MED13: variants seen among roughly 807,000 people sequenced by gnomAD.
MED13 encodes the protein mediator of RNA polymerase II transcription subunit 13.
Under a neutral mutation model 225.2 loss-of-function variants are expected in MED13, and 23 were observed. That is an observed-to-expected ratio of 0.10 (90% CI 0.07 to 0.14). The LOEUF (loss-of-function observed/expected upper bound fraction) is 0.14. Among genes scored for constraint, MED13 ranks in the 10% least tolerant of loss-of-function variants. MED13 has a pLI of 1.00. For missense variants in MED13, 2,197 were observed against 2,594.5 expected, an observed-to-expected ratio of 0.85 and a Z score of 3.33; for synonymous variants, 942 against 889.2, an observed-to-expected ratio of 1.06 and a Z score of -1.06.
rs573694189 is a variant in MED13, at chr17:62,011,297, G to A, written c.1284-64C>T. On this transcript the variant is annotated intron_variant, in intron 8 of 29. Coordinates refer to ENST00000397786, the MANE Select transcript of MED13 (RefSeq NM_005121.3). ...ACTATTATGGCGAAGTATAATACCA[G>A]TTAATAGTATTAGACACTTCGGTTA... 74 of 1,364,566 alleles carry A rather than the reference G, an allele frequency of 5.4e-5. No individual in the cohort carries two copies. In the African/African-American group the frequency reaches 1.0e-3, roughly 19 times the overall value. 84.5% of individuals were successfully genotyped at this position (1,364,566 alleles called of 1,614,324 possible).
chr17:62,062,594 CACACACCA>C (rs1016605916), intron 2 of MED13, among the ~76,000 whole-genome samples: 3 of 57,570 alleles, frequency 5.2e-5, no homozygotes, highest in African/African-American at 1.3e-4. Context: ...CACACACACA[CACACACCA>C]CACACACACA....
chr17:61,998,363 T>C (rs751316884), intron 9 of MED13, among the ~76,000 whole-genome samples: 3 of 152,200 alleles, frequency 2.0e-5, no homozygotes, highest in Non-Finnish European at 4.4e-5. Context: ...CATTATATTA[T>C]TCATTAATTG....
At chr17:62,014,339 C>G (rs1344638910) in intron 8 of MED13, among the ~76,000 whole-genome samples, 3 of 134,362 alleles carry the variant, frequency 2.2e-5, no homozygotes, top group African/African-American at 3.9e-5. Flanking sequence ...TATTTTGAGA[C>G]ACAGTTTCAC....
At chr17:62,064,005 A>G (rs1306963345) in intron 1 of MED13, among the ~76,000 whole-genome samples, 1 of 152,234 alleles carries the variant, frequency 6.6e-6, no homozygotes, top group African/African-American at 2.4e-5. Flanking sequence ...ATCTCAATTT[A>G]GCATGGGCGT....
chr17:61,985,134 T>C, intron 12 of MED13, 44 bp from the exon 13 acceptor site: 1 of 1,479,156 alleles, frequency 6.8e-7, no homozygotes, highest in Non-Finnish European at 9.4e-7. Flanking sequence ...TTACATCCAA[T>C]GTGATCTCAA....
intron 3 of MED13, among the ~76,000 whole-genome samples, chr17:62,044,390 A>G (rs1458313179): frequency 1.3e-5 from 2 of 152,216 alleles, no homozygotes; most frequent in Non-Finnish European, 2.9e-5. Flanking sequence ...AATGGCCATT[A>G]ACAACAGCCA....
intron 26 of MED13, among the ~76,000 whole-genome samples, chr17:61,953,927 T>C (rs1433300293): frequency 6.6e-6 from 1 of 152,198 alleles, no homozygotes; most frequent in Non-Finnish European, 1.5e-5. Flanking sequence ...TACTGGTTTT[T>C]CCTTTACGTA....
At chr17:61,958,537 G>C (rs2079969570) in intron 23 of MED13, among the ~76,000 whole-genome samples, 1 of 151,274 alleles carries the variant, frequency 6.6e-6, no homozygotes, top group Admixed American at 6.6e-5. Flanking sequence ...CAGGGTTTCA[G>C]CATGTTGGCC....
chr17:61,966,313 A>G, intron 19 of MED13, 149 bp downstream of exon 19: 1 of 634,534 alleles, frequency 1.6e-6, no homozygotes, highest in Non-Finnish European at 2.6e-6. Context: ...AAAACTACTC[A>G]GCTCCAATGT....
intron 8 of MED13, among the ~76,000 whole-genome samples, chr17:62,018,422 G>A (rs1311902001): frequency 1.3e-5 from 2 of 152,076 alleles, no homozygotes; most frequent in African/African-American, 4.8e-5. Flanking sequence ...TTACACTGAA[G>A]GGCCAGGTAC....
intron 8 of MED13, among the ~76,000 whole-genome samples, chr17:62,015,144 G>C (rs1161721633): frequency 6.6e-6 from 1 of 152,170 alleles, no homozygotes; most frequent in African/African-American, 2.4e-5. Flanking sequence ...TTGAATCCTA[G>C]TCAAATAAAC....
chr17:61,964,504 G>A (rs1201321120), intron 20 of MED13, among the ~76,000 whole-genome samples: 1 of 152,164 alleles, frequency 6.6e-6, no homozygotes, highest in African/African-American at 2.4e-5. Flanking sequence ...GGTCGAGGCT[G>A]CAGTGAGCCG....
In MED13 at chr17:61,955,169, C is replaced by T. The variant is rs562102111; in HGVS notation, c.5968+213G>A. On this transcript the variant is annotated intron_variant, in intron 26 of 29. Coordinates refer to ENST00000397786, the MANE Select transcript of MED13 (RefSeq NM_005121.3). The stretch of plus-strand genomic sequence containing the variant: ...CTTCTCTTCTATGTAGTCAAACCTC[C>T]TTCTGCCTCCTTCTTATAAGAACAC... The T allele has an allele frequency of 9.5e-5, 35 of 369,366 alleles. No individual in the cohort carries two copies. In the East Asian group the frequency reaches 1.4e-3, roughly 15 times the overall value. 22.9% of individuals were successfully genotyped at this position (369,366 alleles called of 1,614,324 possible).
At chr17:61,953,867 C>T (rs1440533101) in intron 26 of MED13, among the ~76,000 whole-genome samples, 1 of 152,132 alleles carries the variant, frequency 6.6e-6, no homozygotes, top group Non-Finnish European at 1.5e-5. Context: ...CAAGACCCAC[C>T]CCCATACCCA....
In MED13 at chr17:61,961,665, G is replaced by A; in HGVS notation, c.5179C>T (p.Pro1727Ser). Residue 1727 changes from proline to serine, a missense_variant, in exon 22 of 30, where the codon CCA becomes TCA. Transcript: ENST00000397786. ...AATGTTTTCACATTGGTTGATGTTG[G>A]AAGTGGCCTCCGACACTGGGTAAAG... Reference protein sequence around the residue: ...SAFTQCRRPLPTSTNVKTLTG... With the variant: ...SAFTQCRRPLSTSTNVKTLTG... 1 of 1,614,128 alleles carries A rather than the reference G, an allele frequency of 6.2e-7. No individual in the cohort carries two copies. The highest frequency in any genetic ancestry group is 8.5e-7 in the Non-Finnish European group (1 of 1,180,032).
intron 17 of MED13, among the ~76,000 whole-genome samples, chr17:61,971,210 A>G (rs932633279): frequency 7.2e-5 from 11 of 151,954 alleles, no homozygotes; most frequent in African/African-American, 2.4e-4. Context: ...GATAATCTCT[A>G]TATGTGCAGA....
chr17:61,989,964 C>T (rs1408859058), intron 11 of MED13, among the ~76,000 whole-genome samples: 1 of 152,126 alleles, frequency 6.6e-6, no homozygotes, highest in African/African-American at 2.4e-5. Context: ...GCAAAGAATC[C>T]AAACTGTTGA....
rs753493572 is a variant in MED13 at position 61,984,635 on chromosome 17, G to GA, written c.2691+15dup. 1.7e-5 allele frequency: 26 copies of GA among 1,573,896 alleles called. No homozygotes were observed. In the South Asian group the frequency reaches 2.6e-4, roughly 16 times the overall value. ...ATATAGGAAGTGAATTATTTTTCTA[G>GA]AAAAAACATACTTACTTTAATTTCA... On this transcript the variant is annotated intron_variant, in intron 14 of 29. Transcript: ENST00000397786.
At chr17:62,036,098 T>C (rs1486648986) in intron 3 of MED13, among the ~76,000 whole-genome samples, 1 of 151,498 alleles carries the variant, frequency 6.6e-6, no homozygotes, top group Non-Finnish European at 1.5e-5. Context: ...CTCTTTTTTT[T>C]TTTTTTAAAG....
Sources: allele counts gnomAD v4.1 joint callset (sites outside exome capture counted in the v4.1 genomes callset), GRCh38; gene constraint gnomAD v4.1.1; transcripts MANE v1.5; gene names NCBI Gene and HGNC (gene_info 2026-07-23, HGNC 2026-07-21).